The following RBFOX2 variants were observed in gnomAD, a reference collection of about 807,000 sequenced individuals.
The protein encoded by RBFOX2 is RNA binding fox-1 homolog 2.
RBFOX2 carries 10 observed loss-of-function variants against 49.1 expected under a neutral mutation model. The observed-to-expected ratio is 0.20, with a 90% CI of 0.13 to 0.35. The LOEUF is 0.35. Ranked by LOEUF, RBFOX2 falls within the 10% of genes least tolerant of loss-of-function variation. The pLI is 1.00. For missense variants in RBFOX2, 323 were observed against 486.9 expected (o/e 0.66, Z 3.17); for synonymous variants, 183 against 187.4 (o/e 0.98, Z 0.19).
At chr22:35,774,709 A>G (rs1345618018) in intron 4 of RBFOX2, among the ~76,000 whole-genome samples, 4 of 152,330 alleles carry the variant, frequency 2.6e-5, no homozygotes, top group African/African-American at 9.6e-5. Context: ...TTCTACTTTA[A>G]AGGCAAGCTG....
chr22:35,894,735 T>C (rs552109594), intron 1 of RBFOX2, among the ~76,000 whole-genome samples: 12 of 152,246 alleles, frequency 7.9e-5, no homozygotes, highest in African/African-American at 2.9e-4. Context: ...AGGCCATTTG[T>C]GCAACAGCAG....
intron 1 of RBFOX2, among the ~76,000 whole-genome samples, chr22:35,868,254 G>GT (rs1346351022): frequency 1.3e-5 from 2 of 151,924 alleles, no homozygotes; most frequent in Admixed American, 1.3e-4. Flanking sequence ...ATAAAAACCA[G>GT]TTTTTATATT....
chr22:35,766,957 A>G (rs1941163096), intron 5 of RBFOX2, among the ~76,000 whole-genome samples: 1 of 152,170 alleles, frequency 6.6e-6, no homozygotes, highest in East Asian at 1.9e-4. Flanking sequence ...AAAAGAAAAG[A>G]GAAAGTCAGG....
At chr22:35,987,200 C>A (rs1377798501) in intron 1 of RBFOX2, among the ~76,000 whole-genome samples, 1 of 152,020 alleles carries the variant, frequency 6.6e-6, no homozygotes, top group Non-Finnish European at 1.5e-5. Flanking sequence ...AACAACATAC[C>A]AAGAATGCAT....
At position 35,765,366 on chromosome 22, in the gene RBFOX2, A is replaced by G. The variant is rs893374167; in HGVS notation, c.607+57T>C. On this transcript the variant is annotated intron_variant, in intron 6 of 11. Coordinates refer to ENST00000405409, the Ensembl canonical transcript of RBFOX2. ...ATAAAGACATTCTTAGAAGTTTATA[A>G]AAACTTCATATATTTACACAAGAAT... 14 of 1,267,586 alleles carry G rather than the reference A, an allele frequency of 1.1e-5. No individual in the cohort carries two copies. The African/African-American group carries it at 2.2e-4, about 20-fold the overall frequency. The allele number at this position is 1,267,586 out of a possible 1,614,324, so 78.5% of individuals were successfully genotyped here.
chr22:35,973,523 G>A (rs950528481), intron 1 of RBFOX2, among the ~76,000 whole-genome samples: 4 of 152,152 alleles, frequency 2.6e-5, no homozygotes, highest in Non-Finnish European at 4.4e-5. Context: ...TGGTTTCTGG[G>A]ATTAAGAACC....
At chr22:35,920,273 A>G (rs1186409298) in intron 1 of RBFOX2, among the ~76,000 whole-genome samples, 1 of 152,228 alleles carries the variant, frequency 6.6e-6, no homozygotes, top group African/African-American at 2.4e-5. Flanking sequence ...TCAATAAATA[A>G]TAACTGCTAT....
chr22:35,765,496 A>G lies in RBFOX2; in HGVS notation c.547-13T>C. The stretch of plus-strand genomic sequence containing the variant: ...TAGCATTATTCACCTAAAAATAACA[A>G]GGAGAAAAAAGGGCAGGGAAGAAGT... On this transcript the variant is annotated splice_polypyrimidine_tract_variant and intron_variant, in intron 5 of 11. Transcript: ENST00000405409. 2 of 1,499,700 alleles carry G rather than the reference A, an allele frequency of 1.3e-6. No homozygotes were observed. The highest frequency in any genetic ancestry group is 1.8e-6 in the Non-Finnish European group (2 of 1,085,820). 92.9% of individuals were successfully genotyped at this position (1,499,700 alleles called of 1,614,324 possible).
intron 2 of RBFOX2, among the ~76,000 whole-genome samples, chr22:35,783,837 C>T (rs1021160907): frequency 1.3e-5 from 2 of 152,216 alleles, no homozygotes; most frequent in African/African-American, 2.4e-5. Flanking sequence ...CACCAATACC[C>T]GCTTGAATGG....
At chr22:35,985,906 A>AGATG (rs1220909882) in intron 1 of RBFOX2, among the ~76,000 whole-genome samples, 7 of 12,780 alleles carry the variant, frequency 5.5e-4, no homozygotes, top group East Asian at 2.5e-3. Flanking sequence ...ATAGATGGAT[A>AGATG]GATAGATAGA....
chr22:36,005,835 T>C (rs2058598825), intron 1 of RBFOX2, among the ~76,000 whole-genome samples: 2 of 152,248 alleles, frequency 1.3e-5, no homozygotes, highest in Admixed American at 1.3e-4. Context: ...TCTTGACCTT[T>C]AGCTTATGGT....
At chr22:35,819,222 T>A (rs1054776471) in intron 1 of RBFOX2, among the ~76,000 whole-genome samples, 1 of 152,076 alleles carries the variant, frequency 6.6e-6, no homozygotes, top group East Asian at 1.9e-4. Flanking sequence ...AGTATAAGTC[T>A]ATAAAAAAAA....
At chr22:35,983,789 G>C (rs1437876852) in intron 1 of RBFOX2, among the ~76,000 whole-genome samples, 1 of 152,150 alleles carries the variant, frequency 6.6e-6, no homozygotes, top group Non-Finnish European at 1.5e-5. Flanking sequence ...TATGACCCAT[G>C]ACCATTTTAC....
chr22:35,748,241 G>A (rs969429200), intron 9 of RBFOX2: 3 of 152,160 alleles, frequency 2.0e-5, no homozygotes, highest in East Asian at 1.9e-4. Context: ...TTTTTCAAAT[G>A]AGTGACTTAG....
exon 5 of RBFOX2, chr22:35,768,337 C>G: frequency 1.2e-6 from 2 of 1,613,886 alleles, no homozygotes; most frequent in Non-Finnish European, 1.7e-6. Context: ...TCGAAAGTTA[C>G]GAACCCGAAT....
intron 1 of RBFOX2, among the ~76,000 whole-genome samples, chr22:35,892,347 C>T (rs974595715): frequency 6.6e-6 from 1 of 152,092 alleles, no homozygotes; most frequent in Non-Finnish European, 1.5e-5. Flanking sequence ...ACTGACGCTA[C>T]CAAATTCACT....
intron 1 of RBFOX2, among the ~76,000 whole-genome samples, chr22:35,974,095 G>T (rs1292771091): frequency 6.6e-6 from 1 of 152,150 alleles, no homozygotes; most frequent in Non-Finnish European, 1.5e-5. Flanking sequence ...TAGGCACAGA[G>T]AACTTGGCAG....
At chr22:35,777,382 C>G (rs918693557) in intron 4 of RBFOX2, among the ~76,000 whole-genome samples, 2 of 152,100 alleles carry the variant, frequency 1.3e-5, no homozygotes, top group Non-Finnish European at 2.9e-5. Flanking sequence ...AAAATACACA[C>G]GTAAAAGTAC....
At chr22:35,949,360 T>C (rs1054821806) in intron 1 of RBFOX2, among the ~76,000 whole-genome samples, 3 of 152,218 alleles carry the variant, frequency 2.0e-5, no homozygotes, top group Non-Finnish European at 2.9e-5. Context: ...TGTACAGATA[T>C]CTATTCAAGT....
Sources: gnomAD v4.1 joint callset for allele counts (sites outside exome capture counted in the v4.1 genomes callset) on GRCh38, gnomAD v4.1.1 for gene constraint, MANE v1.5 for transcripts, NCBI Gene and HGNC (gene_info 2026-07-23, HGNC 2026-07-21) for gene names.